The following CFAP161 variants were observed in gnomAD, a reference collection of about 807,000 sequenced individuals.
CFAP161 encodes the protein cilia- and flagella-associated protein 161.
In CFAP161, 25 loss-of-function variants were observed where a neutral mutation model predicts 29.0. That is an observed-to-expected ratio of 0.86 (90% CI 0.63 to 1.20). The LOEUF is 1.20. Among genes scored for constraint, CFAP161 ranks in the 50% most tolerant of loss-of-function variants. The probability of loss-of-function intolerance (pLI) is 0.00; values close to 1 mark genes in which losing one functional copy is unlikely to be tolerated. For missense variants in CFAP161, 367 were observed against 371.9 expected, an observed-to-expected ratio of 0.99 and a Z score of 0.11; for synonymous variants, 116 against 137.4, an observed-to-expected ratio of 0.84 and a Z score of 1.09.
At chr15:81,106,434 T>A (rs1177502523) in intron 1 of CFAP161, among the ~76,000 whole-genome samples, 2 of 152,142 alleles carry the variant, frequency 1.3e-5, no homozygotes, top group Non-Finnish European at 2.9e-5. Context: ...CCTCCCAAAG[T>A]GCTGGGATTA....
rs1468244043 is a variant in CFAP161 at position 81,136,651 on chromosome 15, A to C, written c.295A>C (p.Ile99Leu). ...DLSLCMTPDEIQSHLKDELEV... is the reference protein window; with the variant it reads ...DLSLCMTPDELQSHLKDELEV... ...GAGCCTGTGTATGACTCCAGATGAA[A>C]TTCAGTCCCATCTGAAAGACGAATT... The change falls in exon 3 of 7, where the codon ATT becomes CTT. Residue 99 changes from isoleucine (I) to leucine (L), a missense_variant. Ile to Leu is a conservative substitution (Grantham distance 5, BLOSUM62 2). Coordinates refer to ENST00000286732, the MANE Select transcript of CFAP161 (RefSeq NM_173528.4). 1.9e-6 allele frequency: 3 copies of C among 1,614,016 alleles called. No individual in the cohort carries two copies. The highest frequency in any genetic ancestry group is 2.5e-6 in the Non-Finnish European group (3 of 1,180,030).
chr15:81,128,958 A>T (rs75958958), intron 2 of CFAP161, among the ~76,000 whole-genome samples: 1 of 29,392 alleles, frequency 3.4e-5, no homozygotes, highest in Admixed American at 3.0e-4. Flanking sequence ...TGTCTCGAGA[A>T]AAAAAAAAAA....
At chr15:81,142,525 G>A (rs559217929) in intron 4 of CFAP161, among the ~76,000 whole-genome samples, 66 of 152,226 alleles carry the variant, frequency 4.3e-4, no homozygotes, top group Non-Finnish European at 7.9e-4. Flanking sequence ...CCCCAGGAAA[G>A]CACCGTGCTC....
At position 81,102,259 on chromosome 15, in the gene CFAP161, C is replaced by T. The variant is rs1018066546; in HGVS notation, c.-141-25331C>T. ...GCTGGGTGAGGGCTGGGTCTGAGAA[C>T]GTATCAGGACCAGGCCACGTTCACG... is the stretch of plus-strand genomic sequence containing the variant. On this transcript the variant is annotated intron_variant, in intron 1 of 4. Transcript: ENST00000560091. 1.4e-4 allele frequency among the ~76,000 whole-genome samples: 21 copies of T among 152,146 alleles called. 1 individual carries two copies. Among genetic ancestry groups the T allele is most frequent in the Admixed American group, 1.3e-3 (20 of 15,282 alleles).
chr15:81,118,287 G>A, intron 1 of CFAP161: 1 of 508,328 alleles, frequency 2.0e-6, no homozygotes, highest in Non-Finnish European at 3.7e-6. Flanking sequence ...CAGCTGTTAA[G>A]CTCTCAATTT....
intron 3 of CFAP161, among the ~76,000 whole-genome samples, chr15:81,137,385 T>G (rs762235025): frequency 1.6e-4 from 25 of 152,082 alleles, no homozygotes; most frequent in Admixed American, 8.5e-4. Context: ...ACCTGAGGTC[T>G]GGAGTTCGAG....
Position 81,140,776 on chromosome 15 carries a change from G to A in CFAP161, c.477+2641G>A, listed in dbSNP as rs183686903. 2.0e-4 allele frequency among the ~76,000 whole-genome samples: 31 copies of A among 151,952 alleles called. No homozygotes were observed. The East Asian group carries it at 3.3e-3, about 16-fold the overall frequency. ...TTTATTTATTTATTTTTGTAGAGAC[G>A]GAGTTTCGCCATGTTGGCCAGGCTG... On this transcript the variant is annotated intron_variant, in intron 4 of 6. Transcript: ENST00000286732.
rs1372010653 is a variant in CFAP161, at chr15:81,135,328, G to T, written c.128G>T (p.Ser43Ile). The change falls in exon 2 of 7, where the codon AGT becomes ATT. Residue 43 changes from serine to isoleucine, a missense_variant. Physicochemically the swap from Ser to Ile is moderately radical, Grantham distance 142. Coordinates refer to ENST00000286732, the MANE Select transcript of CFAP161 (RefSeq NM_173528.4). The part of the protein sequence containing the change: ...RDKGKLLIQR[S>I]RRLKQNLLRP... The stretch of plus-strand genomic sequence containing the variant: ...AAGGGGAAACTTCTCATACAGAGAA[G>T]TAGAAGACTAAAACAGAATCTCTTG... 1 of 1,596,956 alleles carries T rather than the reference G, an allele frequency of 6.3e-7. No individual in the cohort carries two copies.
chr15:81,148,493 C>T lies in CFAP161; in HGVS notation c.866C>T (p.Thr289Ile), dbSNP rs778715035. 9 of 1,614,192 alleles carry T rather than the reference C, an allele frequency of 5.6e-6. No individual in the cohort carries two copies. In the South Asian group the frequency reaches 9.9e-5, roughly 18 times the overall value. The change falls in exon 7 of 7, where the codon ACT (threonine) becomes ATT (isoleucine). Residue 289 changes from threonine (T) to isoleucine (I), a missense_variant. Thr to Ile is a moderately conservative substitution (Grantham distance 89). Transcript: ENST00000286732. ...CTGCCCAAACCACCCACAGAGGACA[C>T]TCGAGCCATGGAGCAGGCCATGGGC... is the stretch of plus-strand genomic sequence containing the variant. Reference protein sequence around the residue: ...LDLPKPPTEDTRAMEQAMGLD... With the variant: ...LDLPKPPTEDIRAMEQAMGLD...
intron 5 of CFAP161, among the ~76,000 whole-genome samples, chr15:81,144,921 G>C (rs148911873): frequency 6.6e-6 from 1 of 152,110 alleles, no homozygotes; most frequent in Admixed American, 6.5e-5. Context: ...CACTTTCTCC[G>C]GATGCTGGGA....
At chr15:81,122,432 T>G (rs1332619070) in intron 1 of CFAP161, among the ~76,000 whole-genome samples, 1 of 152,134 alleles carries the variant, frequency 6.6e-6, no homozygotes, top group Non-Finnish European at 1.5e-5. Flanking sequence ...GGTATCTCAT[T>G]GTGGTGTTGA....
At chr15:81,116,428 G>A (rs1174169471) in intron 1 of CFAP161, among the ~76,000 whole-genome samples, 5 of 152,198 alleles carry the variant, frequency 3.3e-5, no homozygotes, top group African/African-American at 1.2e-4. Flanking sequence ...CAAGTAACTG[G>A]GACTACAGGC....
chr15:81,115,875 A>G (rs1429603345), intron 1 of CFAP161, among the ~76,000 whole-genome samples: 1 of 146,302 alleles, frequency 6.8e-6, no homozygotes, highest in East Asian at 2.0e-4. Flanking sequence ...TTTAACAGAG[A>G]CAGGGTTTCA....
upstream of CFAP161, among the ~76,000 whole-genome samples, chr15:81,130,126 G>A (rs1894691352): frequency 1.3e-5 from 2 of 152,126 alleles, no homozygotes; most frequent in African/African-American, 4.8e-5. Flanking sequence ...AGTCTTTATA[G>A]ACTTGAAAAG....
chr15:81,147,377 CTG>C (rs972041959), intron 5 of CFAP161, among the ~76,000 whole-genome samples: 3 of 152,112 alleles, frequency 2.0e-5, no homozygotes, highest in Admixed American at 2.0e-4. Flanking sequence ...TCCTGTTGGC[CTG>C]TGTTCTTTTT....
chr15:81,110,785 G>T (rs1423996871), intron 1 of CFAP161, among the ~76,000 whole-genome samples: 1 of 152,188 alleles, frequency 6.6e-6, no homozygotes, highest in African/African-American at 2.4e-5. Context: ...ACTAAAAAGG[G>T]GATGCAAGAC....
chr15:81,112,422 C>T (rs1567151483), intron 1 of CFAP161, among the ~76,000 whole-genome samples: 3 of 152,064 alleles, frequency 2.0e-5, no homozygotes, highest in Non-Finnish European at 2.9e-5. Flanking sequence ...ATTAAATTTT[C>T]CCAAGAGCTT....
At chr15:81,106,608 T>C (rs1224519054) in intron 1 of CFAP161, among the ~76,000 whole-genome samples, 1 of 152,270 alleles carries the variant, frequency 6.6e-6, no homozygotes, top group Admixed American at 6.5e-5. Context: ...AACACCTTGC[T>C]GTCACTGCAT....
intron 1 of CFAP161, chr15:81,118,044 G>T: frequency 2.0e-6 from 1 of 506,602 alleles, no homozygotes; most frequent in Non-Finnish European, 3.6e-6. Context: ...AGAGGTCCAG[G>T]CTTTTTAGAC....
Sources: gnomAD v4.1 joint callset for allele counts (sites outside exome capture counted in the v4.1 genomes callset) on GRCh38, gnomAD v4.1.1 for gene constraint, MANE v1.5 for transcripts, NCBI Gene and HGNC (gene_info 2026-07-23, HGNC 2026-07-21) for gene names.